WDR12: variants seen among roughly 807,000 people sequenced by gnomAD.
WDR12 encodes the protein ribosome biogenesis protein WDR12.
WDR12 carries 42 observed loss-of-function variants against 64.3 expected under a neutral mutation model. The ratio of observed to expected loss-of-function variants is 0.65; its 90% CI spans 0.51 to 0.84. The LOEUF (loss-of-function observed/expected upper bound fraction) is 0.84. Among genes scored for constraint, WDR12 ranks in the 40% least tolerant of loss-of-function variants. The pLI is 0.00. For missense variants in WDR12, 469 were observed against 494.6 expected, an observed-to-expected ratio of 0.95 and a Z score of 0.49; for synonymous variants, 158 against 173.3, an observed-to-expected ratio of 0.91 and a Z score of 0.70.
intron 4 of WDR12, 80 bp downstream of exon 4, chr2:202,899,451 A>AT (rs1688311281): frequency 8.4e-7 from 1 of 1,184,704 alleles, no homozygotes; most frequent in African/African-American, 1.6e-5. Context: ...TCACAGAAAA[A>AT]TATGTATATA....
intron 2 of WDR12, among the ~76,000 whole-genome samples, chr2:202,901,901 G>A (rs1337240685): frequency 2.0e-5 from 3 of 151,936 alleles, no homozygotes; most frequent in Non-Finnish European, 4.4e-5. Flanking sequence ...TCTATTTCCT[G>A]TTACATCCCA....
chr2:202,890,877 C>G (rs939921059), intron 8 of WDR12, among the ~76,000 whole-genome samples: 6 of 151,122 alleles, frequency 4.0e-5, no homozygotes, highest in African/African-American at 1.5e-4. Flanking sequence ...GCCTGTAATC[C>G]CAGAACTTTG....
chr2:202,901,021 T>C lies in WDR12; in HGVS notation c.231+4A>G. 1 of 1,578,766 alleles carries C rather than the reference T, an allele frequency of 6.3e-7. No homozygotes were observed. The highest frequency in any genetic ancestry group is 8.6e-7 in the Non-Finnish European group (1 of 1,156,124). On this transcript the variant is annotated splice_donor_region_variant and intron_variant, in intron 3 of 12. Transcript: ENST00000261015. ...AAATACAGAAGATAAGAATTTGAAC[T>C]TACTGATGAGATGTTCTCCATTTCC...
chr2:202,885,336 AT>A (rs375316816), intron 8 of WDR12, among the ~76,000 whole-genome samples: 2 of 152,286 alleles, frequency 1.3e-5, no homozygotes, highest in African/African-American at 4.8e-5. Context: ...TCCTCACCAG[AT>A]TCAGGCAACT....
At position 202,905,215 on chromosome 2, in the gene WDR12, G is replaced by A. The variant is rs1425871904; in HGVS notation, c.136+2650C>T. The stretch of plus-strand genomic sequence containing the variant: ...GGTTGGAGTGCAGTGGCACGAGCTC[G>A]GCTCACTACAACTTCCGCCTCCCGG... On this transcript the variant is annotated intron_variant, in intron 2 of 12. Coordinates refer to ENST00000261015, the MANE Select transcript of WDR12 (RefSeq NM_018256.4). Among the ~76,000 whole-genome samples, 7 of 152,278 alleles carry A rather than the reference G, an allele frequency of 4.6e-5. No individual in the cohort carries two copies. The East Asian group carries it at 5.8e-4, about 13-fold the overall frequency.
At chr2:202,894,843 T>G (rs1183584126) in intron 6 of WDR12, 1 of 417,512 alleles carries the variant, frequency 2.4e-6, no homozygotes. Flanking sequence ...AAAGCCAATC[T>G]GAAGTGAGAG....
rs1574399296 is a variant in WDR12, at chr2:202,877,110, A to G, written c.*3750T>C. 1.3e-5 allele frequency: 1 copy of G among 75,058 alleles called. No individual in the cohort carries two copies. The highest frequency in any genetic ancestry group is 3.2e-5 in the Non-Finnish European group (1 of 31,472). The allele number at this position is 75,058 out of a possible 1,614,324, so 4.6% of individuals were successfully genotyped here. ...AAATTCCCAGATGGTATATATATATATATATTTTTTTTTTTGCAGGGTTGC... is the reference window on the plus strand; with the variant it reads ...AAATTCCCAGATGGTATATATATATGTATATTTTTTTTTTTGCAGGGTTGC... On this transcript the variant is annotated 3_prime_UTR_variant, in exon 13 of 13. Coordinates refer to ENST00000261015, the MANE Select transcript of WDR12 (RefSeq NM_018256.4).
Position 202,883,725 on chromosome 2 carries a change from C to A in WDR12, c.1005G>T (p.Ser335=), listed in dbSNP as rs752107401. 2 of 1,613,852 alleles carry A rather than the reference C, an allele frequency of 1.2e-6. No homozygotes were observed. Among genetic ancestry groups the A allele is most frequent in the Non-Finnish European group, 1.7e-6 (2 of 1,179,922 alleles). The stretch of plus-strand genomic sequence containing the variant: ...AACCAGTATGTGACGTTAGGGACAG[C>A]GACACCAAAGAACCATCTGAACAAA... ...DPRTKDGSLV[S]LSLTSHTGWV... Residue 335 remains serine, a synonymous_variant, in exon 11 of 13, where the codon TCG becomes TCT. Transcript: ENST00000261015.
At chr2:202,907,772 T>C (rs2105912832) in intron 2 of WDR12, 93 bp downstream of exon 2, 1 of 948,926 alleles carries the variant, frequency 1.1e-6, no homozygotes, top group East Asian at 2.6e-5. Flanking sequence ...ACAAAATTCA[T>C]ACAGTATCAT....
intron 6 of WDR12, 62 bp from the exon 7 acceptor site, chr2:202,894,688 A>G: frequency 7.4e-7 from 1 of 1,352,896 alleles, no homozygotes; most frequent in Non-Finnish European, 1.0e-6. Flanking sequence ...TTTGCCTACA[A>G]CAGTAGGTCT....
chr2:202,903,487 G>GT (rs1325901714), intron 2 of WDR12, among the ~76,000 whole-genome samples: 14 of 130,840 alleles, frequency 1.1e-4, no homozygotes, highest in African/African-American at 3.6e-4. Context: ...AAGGAAGGAA[G>GT]GAAGGAAGGA....
At position 202,875,369 on chromosome 2, in the gene WDR12, C is replaced by T. The variant is rs1315429684; in HGVS notation, c.*5491G>A. On this transcript the variant is annotated 3_prime_UTR_variant, in exon 13 of 13. Transcript: ENST00000261015. The stretch of plus-strand genomic sequence containing the variant: ...TGTAATTTAGTACCCACAAATGTCA[C>T]TTAAATTTATGTATTACTTTTTTTT... The T allele has an allele frequency of 6.7e-6, 1 of 149,918 alleles. No individual in the cohort carries two copies. Among genetic ancestry groups the T allele is most frequent in the Non-Finnish European group, 1.5e-5 (1 of 67,690 alleles). The allele number at this position is 149,918 out of a possible 1,614,324, so 9.3% of individuals were successfully genotyped here.
chr2:202,907,289 ATTAAT>A (rs1257938745), intron 2 of WDR12, among the ~76,000 whole-genome samples: 1 of 152,206 alleles, frequency 6.6e-6, no homozygotes, highest in Non-Finnish European at 1.5e-5. Context: ...CATTGTTCAT[ATTAAT>A]TTAATGGGCA....
At chr2:202,893,421 A>T (rs1688187332) in intron 7 of WDR12, among the ~76,000 whole-genome samples, 1 of 152,180 alleles carries the variant, frequency 6.6e-6, no homozygotes, top group Non-Finnish European at 1.5e-5. Flanking sequence ...TCATTTACTC[A>T]GCCCTATCAA....
rs1439731669 is a variant in WDR12, at chr2:202,875,019, G to C, written c.*5841C>G. The C allele has an allele frequency of 2.6e-5, 4 of 152,064 alleles. No homozygotes were observed. The highest frequency in any genetic ancestry group is 2.1e-4 in the South Asian group (1 of 4,824). 9.4% of individuals were successfully genotyped at this position (152,064 alleles called of 1,614,324 possible). A position where few individuals can be genotyped will look rare whatever the true frequency, so the allele number is the denominator to read the frequency against. ...ATTGTTTGACATGTTTCTAAACTTT[G>C]TATCAGATAGTACCTAACAAGATAC... On this transcript the variant is annotated 3_prime_UTR_variant, in exon 13 of 13. Coordinates refer to ENST00000261015, the MANE Select transcript of WDR12 (RefSeq NM_018256.4).
chr2:202,894,554 T>C (rs746576770), intron 7 of WDR12, 27 bp downstream of exon 7: 39 of 1,579,970 alleles, frequency 2.5e-5, no homozygotes, highest in Non-Finnish European at 3.2e-5. Flanking sequence ...CATTATTAAG[T>C]CAAGGTAAAA....
intron 6 of WDR12, among the ~76,000 whole-genome samples, chr2:202,895,421 C>T (rs551249922): frequency 8.6e-5 from 13 of 151,570 alleles, no homozygotes; most frequent in Admixed American, 5.3e-4. Context: ...CAGTTGATGA[C>T]AGCACTTAAG....
intron 8 of WDR12, among the ~76,000 whole-genome samples, chr2:202,887,923 A>C (rs1346072989): frequency 6.6e-6 from 1 of 151,406 alleles, no homozygotes; most frequent in African/African-American, 2.4e-5. Flanking sequence ...AGAAAATGAC[A>C]TGGTAAAAAC....
At chr2:202,885,355 C>T (rs544012661) in intron 8 of WDR12, among the ~76,000 whole-genome samples, 21 of 152,320 alleles carry the variant, frequency 1.4e-4, no homozygotes, top group Admixed American at 6.5e-4. Context: ...ACTGGTAAAA[C>T]TGCAGCCCAG....
Sources: gnomAD v4.1 joint callset for allele counts (sites outside exome capture counted in the v4.1 genomes callset) on GRCh38, gnomAD v4.1.1 for gene constraint, MANE v1.5 for transcripts, NCBI Gene and HGNC (gene_info 2026-07-23, HGNC 2026-07-21) for gene names.